The following AFG2A variants were observed in gnomAD, a reference collection of about 807,000 sequenced individuals.
AFG2A encodes the protein AAA ATPase AFG2A, also known as ATPase family gene 2 protein homolog A.
the AFG2A span, among the ~76,000 whole-genome samples, chr4:123,123,362 G>A: frequency 2.0e-5 from 3 of 152,126 alleles, no homozygotes; most frequent in Non-Finnish European, 2.9e-5. Context: ...GGTTTATTAA[G>A]TTAGACATGT....
chr4:123,150,120 T>G, the AFG2A span, among the ~76,000 whole-genome samples: 1 of 152,106 alleles, frequency 6.6e-6, no homozygotes, highest in Non-Finnish European at 1.5e-5. Context: ...TGATGGAACA[T>G]ATCTCAAAAT....
chr4:123,047,701 G>A, the AFG2A span, among the ~76,000 whole-genome samples: 79 of 119,806 alleles, frequency 6.6e-4, 1 homozygote, highest in Non-Finnish European at 1.2e-3. Context: ...ATGTTTAAGT[G>A]CTTTTTTTTT....
the AFG2A span, among the ~76,000 whole-genome samples, chr4:123,084,262 G>C: frequency 6.6e-6 from 1 of 151,628 alleles, no homozygotes; most frequent in Admixed American, 6.6e-5. Context: ...CCAACTTTTA[G>C]TTTCATTGTT....
At chr4:123,302,512 G>C in the AFG2A span, among the ~76,000 whole-genome samples, 1 of 151,320 alleles carries the variant, frequency 6.6e-6, no homozygotes, top group Admixed American at 6.6e-5. Flanking sequence ...GTATATGCGT[G>C]TGTATTTTTT....
the AFG2A span, among the ~76,000 whole-genome samples, chr4:123,191,464 T>C: frequency 6.6e-6 from 1 of 152,108 alleles, no homozygotes; most frequent in African/African-American, 2.4e-5. Flanking sequence ...AAGGAACCTG[T>C]AATTAGCTCA....
At chr4:122,926,988 A>G in the AFG2A span, among the ~76,000 whole-genome samples, 1 of 151,956 alleles carries the variant, frequency 6.6e-6, no homozygotes, top group Non-Finnish European at 1.5e-5. Flanking sequence ...TAGAGGAGGG[A>G]CACCTAACTA....
chr4:123,099,286 C>G, the AFG2A span, among the ~76,000 whole-genome samples: 2 of 151,930 alleles, frequency 1.3e-5, no homozygotes, highest in East Asian at 3.9e-4. Flanking sequence ...CAAACATATT[C>G]TCTCATTTTA....
At chr4:123,059,870 A>G in the AFG2A span, among the ~76,000 whole-genome samples, 3 of 152,034 alleles carry the variant, frequency 2.0e-5, no homozygotes, top group African/African-American at 7.2e-5. Flanking sequence ...ATGGTATTTC[A>G]TTGTGGTTTT....
At chr4:123,236,208 C>A in the AFG2A span, among the ~76,000 whole-genome samples, 2 of 152,260 alleles carry the variant, frequency 1.3e-5, no homozygotes, top group Admixed American at 6.5e-5. Flanking sequence ...TTTCCCTAAA[C>A]GCATTCAAGA....
chr4:123,269,962 G>T, the AFG2A span, among the ~76,000 whole-genome samples: 3 of 152,126 alleles, frequency 2.0e-5, no homozygotes, highest in African/African-American at 7.2e-5. Context: ...GACTACATAT[G>T]CCCGCCACCA....
At chr4:123,214,750 A>G in the AFG2A span, among the ~76,000 whole-genome samples, 1 of 152,064 alleles carries the variant, frequency 6.6e-6, no homozygotes, top group South Asian at 2.1e-4. Flanking sequence ...TGAAGACATG[A>G]AGACCTTTAT....
chr4:122,977,181 C>T, the AFG2A span, among the ~76,000 whole-genome samples: 11 of 152,158 alleles, frequency 7.2e-5, no homozygotes, highest in Non-Finnish European at 1.2e-4. Context: ...CCTCTGTGGC[C>T]GGTGGCACCT....
chr4:123,258,425 C>T, the AFG2A span, among the ~76,000 whole-genome samples: 14 of 152,056 alleles, frequency 9.2e-5, no homozygotes, highest in Non-Finnish European at 1.9e-4. Flanking sequence ...CACACAGAAC[C>T]TTCTACATGG....
At chr4:122,948,969 A>G in the AFG2A span, among the ~76,000 whole-genome samples, 4 of 152,220 alleles carry the variant, frequency 2.6e-5, no homozygotes, top group African/African-American at 9.7e-5. Flanking sequence ...AAAAAGAATA[A>G]CAAATATAAT....
chr4:123,233,266 TACACAC>T, the AFG2A span, among the ~76,000 whole-genome samples: 24 of 149,676 alleles, frequency 1.6e-4, no homozygotes, highest in African/African-American at 5.7e-4. Flanking sequence ...AAAAATTATG[TACACAC>T]ACACACGCAC....
chr4:123,265,568 A>C, the AFG2A span, among the ~76,000 whole-genome samples: 3,314 of 152,202 alleles, frequency 0.022, 65 homozygotes, highest in Non-Finnish European at 0.035. Flanking sequence ...GTGCTGCCAT[A>C]CCTGTATTGC....
chr4:122,960,010 T>G, the AFG2A span, among the ~76,000 whole-genome samples: 2 of 152,204 alleles, frequency 1.3e-5, no homozygotes, highest in Admixed American at 6.5e-5. Context: ...AGTTATATTT[T>G]CTTTATAATT....
the AFG2A span, among the ~76,000 whole-genome samples, chr4:122,948,678 G>A: frequency 6.6e-5 from 10 of 152,066 alleles, no homozygotes; most frequent in African/African-American, 2.2e-4. Context: ...CTTACAGGGC[G>A]GCCCAGTGGT....
chr4:123,255,715 C>CTTTT, the AFG2A span, among the ~76,000 whole-genome samples: 520 of 103,750 alleles, frequency 5.0e-3, 25 homozygotes, highest in African/African-American at 7.7e-3. Flanking sequence ...TACTGCTTTT[C>CTTTT]TATTTTTTTT....
Sources: allele counts gnomAD v4.1 joint callset (sites outside exome capture counted in the v4.1 genomes callset), GRCh38; gene constraint gnomAD v4.1.1; transcripts MANE v1.5; gene names NCBI Gene and HGNC (gene_info 2026-07-23, HGNC 2026-07-21).